STPG2: variants seen among roughly 807,000 people sequenced by gnomAD.
The protein encoded by STPG2 is sperm-tail PG-rich repeat-containing protein 2.
In STPG2, 56 loss-of-function variants were observed where a neutral mutation model predicts 54.2. The observed-to-expected ratio is 1.03, with a 90% CI of 0.83 to 1.29. The LOEUF is 1.29. STPG2 is among the 50% of genes most tolerant of loss of function. STPG2 has a pLI of 0.00. For synonymous variants in STPG2, 200 were observed against 181.8 expected (o/e 1.10, Z -0.81); for missense variants, 596 against 544.9 (o/e 1.09, Z -0.93).
intron 5 of STPG2, among the ~76,000 whole-genome samples, chr4:97,994,886 T>C (rs991712245): frequency 1.3e-5 from 2 of 152,090 alleles, no homozygotes; most frequent in Non-Finnish European, 2.9e-5. Flanking sequence ...TCCTTTGTCT[T>C]CAGCTACAAG....
intron 4 of STPG2, among the ~76,000 whole-genome samples, chr4:97,538,447 C>T (rs891917590): frequency 2.6e-5 from 4 of 151,790 alleles, no homozygotes; most frequent in African/African-American, 7.3e-5. Flanking sequence ...TATCAGGGAT[C>T]GAAGATCAAA....
At chr4:97,752,211 T>C (rs1352491839) in intron 9 of STPG2, among the ~76,000 whole-genome samples, 1 of 151,732 alleles carries the variant, frequency 6.6e-6, no homozygotes, top group African/African-American at 2.4e-5. Context: ...GAAATTTTAG[T>C]GTACAGTTTC....
rs190877361 is a variant in STPG2, at chr4:97,460,303, C to G, written c.462+252396G>C. ...ATTTTTTTCTATTTATTACAATAGGCATGTTATATATTTTATTTTGTATTT... is the reference window on the plus strand; with the variant it reads ...ATTTTTTTCTATTTATTACAATAGGGATGTTATATATTTTATTTTGTATTT... On this transcript the variant is annotated intron_variant, in intron 4 of 4. Coordinates refer to the STPG2 transcript ENST00000522676. Among the ~76,000 whole-genome samples, 189 of 152,132 alleles carry G rather than the reference C, an allele frequency of 1.2e-3. 2 individuals are homozygous for G. The highest frequency in any genetic ancestry group is 4.3e-3 in the African/African-American group (180 of 41,540).
At position 97,765,782 on chromosome 4, in the gene STPG2, T is replaced by C. The variant is rs149437542; in HGVS notation, c.1205-52968A>G. Among the ~76,000 whole-genome samples, 64 of 152,304 alleles carry C rather than the reference T, an allele frequency of 4.2e-4. 1 individual carries two copies. Among genetic ancestry groups the C allele is most frequent in the African/African-American group, 1.4e-3 (60 of 41,590 alleles). ...GAACAATTAAAGACTTTGAACTTCA[T>C]ATTAGGAATAGTTGAAGGAACTGGG... On this transcript the variant is annotated intron_variant, in intron 9 of 10. Coordinates refer to ENST00000295268, the MANE Select transcript of STPG2 (RefSeq NM_174952.3).
At chr4:97,591,075 G>T (rs996286086) in intron 10 of STPG2, among the ~76,000 whole-genome samples, 2 of 151,992 alleles carry the variant, frequency 1.3e-5, no homozygotes, top group African/African-American at 2.4e-5. Flanking sequence ...GAATAACCCT[G>T]CAAGTTCTTC....
intron 9 of STPG2, among the ~76,000 whole-genome samples, chr4:97,722,478 T>G (rs187046105): frequency 1.5e-3 from 230 of 152,302 alleles, no homozygotes; most frequent in African/African-American, 5.4e-3. Context: ...GTCACATAAT[T>G]GCCACACTTT....
At chr4:97,886,296 T>C (rs1017022591) in intron 8 of STPG2, among the ~76,000 whole-genome samples, 1 of 152,160 alleles carries the variant, frequency 6.6e-6, no homozygotes, top group African/African-American at 2.4e-5. Context: ...AAATAAAACA[T>C]TTATTTGACT....
At chr4:98,104,121 A>C (rs10049627) in intron 5 of STPG2, among the ~76,000 whole-genome samples, 60,120 of 151,896 alleles carry the variant, frequency 0.4, 12,134 homozygotes, top group Middle Eastern at 0.46. Context: ...TGCCTATACA[A>C]ACACATGCAA....
At chr4:97,570,620 T>C (rs1270222146) in intron 10 of STPG2, among the ~76,000 whole-genome samples, 1 of 151,974 alleles carries the variant, frequency 6.6e-6, no homozygotes, top group Non-Finnish European at 1.5e-5. Flanking sequence ...GGTTAACCAC[T>C]GAAGACAATT....
intron 5 of STPG2, among the ~76,000 whole-genome samples, chr4:98,083,064 C>A (rs1017964286): frequency 2.0e-5 from 3 of 152,200 alleles, no homozygotes; most frequent in South Asian, 4.2e-4. Flanking sequence ...TTATCAAGAC[C>A]TACAAAGCCC....
chr4:97,847,520 T>C (rs1728990991), intron 8 of STPG2, among the ~76,000 whole-genome samples: 1 of 152,118 alleles, frequency 6.6e-6, no homozygotes, highest in Non-Finnish European at 1.5e-5. Context: ...GGAATTAGAA[T>C]TGACTGGAAA....
intron 7 of STPG2, among the ~76,000 whole-genome samples, chr4:97,971,706 G>A (rs1734332196): frequency 6.6e-6 from 1 of 152,002 alleles, no homozygotes; most frequent in African/African-American, 2.4e-5. Context: ...TAACTGATGA[G>A]TTGATGGGTG....
intron 5 of STPG2, among the ~76,000 whole-genome samples, chr4:97,985,302 T>A (rs2149265699): frequency 6.6e-6 from 1 of 152,272 alleles, no homozygotes; most frequent in Admixed American, 6.5e-5. Flanking sequence ...ACCAACTGAA[T>A]CAATTTCTGG....
intron 8 of STPG2, among the ~76,000 whole-genome samples, chr4:97,864,371 T>G (rs1382531867): frequency 1.3e-5 from 2 of 152,032 alleles, no homozygotes; most frequent in Admixed American, 1.3e-4. Flanking sequence ...TACCTAGGAA[T>G]CCAACTTACA....
At chr4:97,879,063 G>A (rs1421330614) in intron 8 of STPG2, among the ~76,000 whole-genome samples, 1 of 152,170 alleles carries the variant, frequency 6.6e-6, no homozygotes, top group Non-Finnish European at 1.5e-5. Context: ...CATAGCAAGA[G>A]TCACCTTTAC....
chr4:98,009,984 G>A (rs1006460137), intron 5 of STPG2, among the ~76,000 whole-genome samples: 1 of 151,676 alleles, frequency 6.6e-6, no homozygotes, highest in Admixed American at 6.6e-5. Context: ...ATTTATTTGA[G>A]TCTCCTATCA....
At chr4:97,653,132 T>C (rs371693928) in intron 10 of STPG2, among the ~76,000 whole-genome samples, 32 of 151,918 alleles carry the variant, frequency 2.1e-4, no homozygotes, top group Non-Finnish European at 2.7e-4. Context: ...GATAGATAGA[T>C]AGACAGATAC....
Position 97,941,462 on chromosome 4 carries a change from C to T in STPG2, c.1044+2435G>A, listed in dbSNP as rs535010131. ...AAACAGATGTTTTGTTTATGTTCAT[C>T]CTCCATTTGTCACATTTTCTTTCTA... is the stretch of plus-strand genomic sequence containing the variant. On this transcript the variant is annotated intron_variant, in intron 8 of 10. Transcript: ENST00000295268. Among the ~76,000 whole-genome samples the T allele has an allele frequency of 3.3e-5, 5 of 152,128 alleles. No homozygotes were observed. The South Asian group carries it at 8.3e-4, about 25-fold the overall frequency.
At chr4:97,989,851 C>G (rs1013537038) in intron 5 of STPG2, among the ~76,000 whole-genome samples, 8 of 152,224 alleles carry the variant, frequency 5.3e-5, no homozygotes, top group African/African-American at 1.9e-4. Context: ...GAGATTTCAT[C>G]ACACTACACA....
Sources: allele counts gnomAD v4.1 joint callset (sites outside exome capture counted in the v4.1 genomes callset), GRCh38; gene constraint gnomAD v4.1.1; transcripts MANE v1.5; gene names NCBI Gene and HGNC (gene_info 2026-07-23, HGNC 2026-07-21).